PTPRE: variants seen among roughly 807,000 people sequenced by gnomAD.
PTPRE encodes protein tyrosine phosphatase receptor type E, also known as receptor-type tyrosine-protein phosphatase epsilon.
A neutral mutation model predicts 102.0 loss-of-function variants in PTPRE; 51 were observed. The observed-to-expected ratio is 0.50, with a 90% CI of 0.40 to 0.63. The LOEUF (loss-of-function observed/expected upper bound fraction) is 0.63. Ranked by LOEUF, PTPRE falls within the 30% of genes least tolerant of loss-of-function variation. The probability of loss-of-function intolerance (pLI) is 0.00; values close to 1 mark genes in which losing one functional copy is unlikely to be tolerated. For missense variants in PTPRE, 752 were observed against 915.1 expected, an observed-to-expected ratio of 0.82 and a Z score of 2.30; for synonymous variants, 345 against 348.2, an observed-to-expected ratio of 0.99 and a Z score of 0.10.
intron 1 of PTPRE, among the ~76,000 whole-genome samples, chr10:127,924,552 A>G (rs1025810495): frequency 1.3e-5 from 2 of 152,202 alleles, no homozygotes; most frequent in African/African-American, 2.4e-5. Flanking sequence ...TAAGACCACA[A>G]GATCAGGCAG....
intron 11 of PTPRE, among the ~76,000 whole-genome samples, chr10:128,066,980 A>AC (rs1850180278): frequency 6.7e-6 from 1 of 150,322 alleles, no homozygotes. Flanking sequence ...ATGCACACAC[A>AC]CCCACACACA....
chr10:127,956,054 T>C (rs1336433665), intron 1 of PTPRE, among the ~76,000 whole-genome samples: 2 of 152,162 alleles, frequency 1.3e-5, no homozygotes, highest in South Asian at 2.1e-4. Context: ...CAGGGATTAA[T>C]GTGTTTTTGG....
chr10:127,997,686 G>T (rs1371969714), intron 2 of PTPRE, among the ~76,000 whole-genome samples: 1 of 152,138 alleles, frequency 6.6e-6, no homozygotes, highest in Non-Finnish European at 1.5e-5. Context: ...ATTCAAAAAT[G>T]AATATGGCAA....
At chr10:128,021,567 A>T (rs748748219) in intron 2 of PTPRE, among the ~76,000 whole-genome samples, 1 of 152,204 alleles carries the variant, frequency 6.6e-6, no homozygotes, top group Admixed American at 6.5e-5. Flanking sequence ...CATTAGCACA[A>T]TCAGAGCCCT....
At chr10:128,061,746 T>A in intron 9 of PTPRE, 31 bp downstream of exon 9, 2 of 1,571,878 alleles carry the variant, frequency 1.3e-6, no homozygotes, top group South Asian at 2.3e-5. Context: ...TCAACGTATT[T>A]TTGGTAACGT....
chr10:128,036,805 T>C (rs1847257121), intron 2 of PTPRE, among the ~76,000 whole-genome samples: 2 of 151,518 alleles, frequency 1.3e-5, no homozygotes, highest in African/African-American at 2.4e-5. Flanking sequence ...CAAATATTAA[T>C]GAGCAGAGGA....
chr10:128,071,890 G>A (rs1850800771), intron 15 of PTPRE: 2 of 409,104 alleles, frequency 4.9e-6, no homozygotes, highest in Non-Finnish European at 8.7e-6. Flanking sequence ...TTGTATTTTG[G>A]TATGTATTAT....
rs746541278 is a variant in PTPRE at position 128,069,754 on chromosome 10, C to T, written c.1070C>T (p.Ala357Val). The T allele has an allele frequency of 8.1e-6, 13 of 1,614,080 alleles. No individual in the cohort carries two copies. The highest frequency in any genetic ancestry group is 5.3e-5 in the African/African-American group (4 of 74,914). ...VIDAMMAMMH[A>V]EQKVDVFEFV... The stretch of plus-strand genomic sequence containing the variant: ...GATGCCATGATGGCCATGATGCACG[C>T]GGAGCAGAAGGTGGATGTGTTTGAA... The change falls in exon 13 of 21, where the codon GCG becomes GTG. Residue 357 changes from alanine (A) to valine (V), a missense_variant. Around this residue, in one of 2 missense-constraint regions of PTPRE, gnomAD observed 636 missense variants for 824.4 expected, o/e 0.77. Transcript: ENST00000254667.
At position 127,960,208 on chromosome 10, in the gene PTPRE, AC is replaced by A. The variant is rs886100380; in HGVS notation, c.-30-22065del. Among the ~76,000 whole-genome samples, 5 of 152,256 alleles carry A rather than the reference AC, an allele frequency of 3.3e-5. 1 individual carries two copies. Among genetic ancestry groups the A allele is most frequent in the African/African-American group, 1.2e-4 (5 of 41,538 alleles). On this transcript the variant is annotated intron_variant, in intron 1 of 20. Transcript: ENST00000254667. ...GATCAGATGGTGGCATCTGGGGTGG[AC>A]ACTGAAGGACGAGGCTGGCTGTGTG...
At chr10:128,063,245 T>C (rs1021931817) in intron 10 of PTPRE, 65 bp downstream of exon 10, 2 of 1,582,214 alleles carry the variant, frequency 1.3e-6, no homozygotes, top group East Asian at 4.5e-5. Flanking sequence ...GCTGGGGATG[T>C]TCTTACCACT....
chr10:128,079,514 CCAAGTG>C, intron 19 of PTPRE, 40 bp from the exon 20 acceptor site: 2 of 1,594,942 alleles, frequency 1.3e-6, no homozygotes, highest in Non-Finnish European at 1.7e-6. Flanking sequence ...TTTCTCATCC[CCAAGTG>C]CAAGTCGGAT....
At chr10:127,916,546 A>G (rs987878675) in intron 1 of PTPRE, among the ~76,000 whole-genome samples, 1 of 152,184 alleles carries the variant, frequency 6.6e-6, no homozygotes, top group Non-Finnish European at 1.5e-5. Flanking sequence ...TAATACAAGC[A>G]GGCTTGGTTT....
At chr10:127,959,174 G>T (rs1396188929) in intron 1 of PTPRE, among the ~76,000 whole-genome samples, 2 of 152,198 alleles carry the variant, frequency 1.3e-5, no homozygotes, top group Non-Finnish European at 2.9e-5. Flanking sequence ...GGGATTATAG[G>T]CATGAGCCAC....
intron 7 of PTPRE, among the ~76,000 whole-genome samples, chr10:128,060,584 G>T (rs539868242): frequency 2.0e-5 from 3 of 152,142 alleles, no homozygotes; most frequent in Admixed American, 6.5e-5. Context: ...CCCAGTGCAG[G>T]GTTCATAAAA....
intron 6 of PTPRE, among the ~76,000 whole-genome samples, chr10:128,051,508 G>A (rs1442460629): frequency 6.6e-6 from 1 of 152,202 alleles, no homozygotes; most frequent in African/African-American, 2.4e-5. Flanking sequence ...CCTGGGCCCT[G>A]ATACATACGG....
At chr10:128,055,558 C>T (rs1848883081) in intron 6 of PTPRE, among the ~76,000 whole-genome samples, 1 of 152,088 alleles carries the variant, frequency 6.6e-6, no homozygotes, top group South Asian at 2.1e-4. Context: ...AACAAGCACC[C>T]TCCCGGGAGT....
chr10:127,929,738 C>G (rs888903111), intron 1 of PTPRE: 4 of 152,136 alleles, frequency 2.6e-5, no homozygotes, highest in Admixed American at 2.6e-4. Flanking sequence ...CTTTTGCAAT[C>G]CTACATATCC....
At chr10:127,938,597 A>G (rs1847997859) in intron 1 of PTPRE, among the ~76,000 whole-genome samples, 2 of 152,162 alleles carry the variant, frequency 1.3e-5, no homozygotes. Flanking sequence ...TTAAAAAATA[A>G]GTTTGTATTT....
intron 1 of PTPRE, among the ~76,000 whole-genome samples, chr10:127,949,576 G>A (rs1179517063): frequency 6.6e-6 from 1 of 152,116 alleles, no homozygotes; most frequent in South Asian, 2.1e-4. Flanking sequence ...TACCTGATAC[G>A]TTTGAACATT....
Sources: allele counts gnomAD v4.1 joint callset (sites outside exome capture counted in the v4.1 genomes callset), GRCh38; gene constraint gnomAD v4.1.1; regional missense constraint gnomAD v4.1.1; transcripts MANE v1.5; gene names NCBI Gene and HGNC (gene_info 2026-07-23, HGNC 2026-07-21).